CTNNA1: variants seen among roughly 807,000 people sequenced by gnomAD.
CTNNA1 encodes the protein catenin alpha-1.
In CTNNA1, 37 loss-of-function variants were observed where a neutral mutation model predicts 98.4. The observed-to-expected ratio is 0.38, with a 90% CI of 0.29 to 0.49. The LOEUF (loss-of-function observed/expected upper bound fraction) is 0.49, where lower values mean the gene tolerates loss of function less well. Among genes scored for constraint, CTNNA1 ranks in the 20% least tolerant of loss-of-function variants. CTNNA1 has a pLI of 0.95. For synonymous variants in CTNNA1, 404 were observed against 413.2 expected (o/e 0.98, Z 0.27); for missense variants, 761 against 1,147.2 (o/e 0.66, Z 4.86).
At chr5:138,795,211 C>T (rs1374173014) in intron 3 of CTNNA1, among the ~76,000 whole-genome samples, 1 of 150,178 alleles carries the variant, frequency 6.7e-6, no homozygotes, top group Admixed American at 6.6e-5. Context: ...CCTGTAATCC[C>T]AGCACTTTGG....
intron 13 of CTNNA1, among the ~76,000 whole-genome samples, chr5:138,927,254 C>T (rs1024818665): frequency 1.3e-5 from 2 of 152,216 alleles, no homozygotes; most frequent in Non-Finnish European, 2.9e-5. Flanking sequence ...CAGGCCGCCA[C>T]GTCACTCATT....
chr5:138,931,825 T>A, intron 16 of CTNNA1: 2 of 985,486 alleles, frequency 2.0e-6, no homozygotes, highest in Non-Finnish European at 2.4e-6. Flanking sequence ...GGGTCTCAGT[T>A]CATACCACTC....
In CTNNA1 at chr5:138,887,429, G is replaced by A. The variant is rs753105223; in HGVS notation, c.1144-61G>A. 1.6e-5 allele frequency: 21 copies of A among 1,280,580 alleles called. No individual in the cohort carries two copies. The Admixed American group carries it at 3.1e-4, about 19-fold the overall frequency. 79.3% of individuals were successfully genotyped at this position (1,280,580 alleles called of 1,614,324 possible). A position where few individuals can be genotyped will look rare whatever the true frequency, so the allele number is the denominator to read the frequency against. On this transcript the variant is annotated intron_variant, in intron 8 of 17. Coordinates refer to ENST00000302763, the MANE Select transcript of CTNNA1 (RefSeq NM_001903.5). Reference sequence around the variant, plus strand: ...ATTTAAGTGTACAAGAGAATAAAAAGCAATCTATTTAATACCTTTTTGGTA... The same window carrying A: ...ATTTAAGTGTACAAGAGAATAAAAAACAATCTATTTAATACCTTTTTGGTA...
chr5:138,767,508 C>T (rs1177230243), intron 1 of CTNNA1, among the ~76,000 whole-genome samples: 1 of 152,220 alleles, frequency 6.6e-6, no homozygotes, highest in Non-Finnish European at 1.5e-5. Flanking sequence ...GTGAGTCCTT[C>T]CTGACTATTT....
intron 17 of CTNNA1, 47 bp downstream of exon 17, chr5:138,932,759 C>T (rs368376646): frequency 1.2e-5 from 20 of 1,609,300 alleles, no homozygotes; most frequent in Non-Finnish European, 1.6e-5. Flanking sequence ...ACGTGCTGAC[C>T]CTTGTCAGAA....
intron 10 of CTNNA1, among the ~76,000 whole-genome samples, chr5:138,916,459 C>G (rs1217499796): frequency 6.7e-6 from 1 of 150,314 alleles, no homozygotes; most frequent in African/African-American, 2.5e-5. Flanking sequence ...AACTCCTGGG[C>G]TCAAGCAGTC....
At chr5:138,908,343 A>T (rs1007974533) in intron 10 of CTNNA1, among the ~76,000 whole-genome samples, 2 of 152,212 alleles carry the variant, frequency 1.3e-5, no homozygotes, top group African/African-American at 4.8e-5. Flanking sequence ...ACTTTTTAGC[A>T]GTTAAACAAC....
intron 10 of CTNNA1, among the ~76,000 whole-genome samples, chr5:138,905,558 T>G (rs1374607626): frequency 1.3e-5 from 2 of 152,226 alleles, no homozygotes; most frequent in Non-Finnish European, 2.9e-5. Context: ...AGATAGTAAC[T>G]TAATTTGGCC....
intron 6 of CTNNA1, among the ~76,000 whole-genome samples, chr5:138,825,482 G>GTTTTTTGTTTTTTTTTTTTTTT (rs1554085136): frequency 2.7e-5 from 2 of 74,112 alleles, no homozygotes; most frequent in African/African-American, 1.2e-4. Context: ...AGCAGTATAA[G>GTTTTTTGTTTTTTTTTTTTTTT]TTTTTTTTTT....
At chr5:138,845,836 C>T (rs1409153881) in intron 7 of CTNNA1, among the ~76,000 whole-genome samples, 1 of 152,076 alleles carries the variant, frequency 6.6e-6, no homozygotes, top group African/African-American at 2.4e-5. Context: ...ATTGCCATGT[C>T]CTGGGTACTT....
At chr5:138,832,279 A>G (rs2149796093) in intron 7 of CTNNA1, among the ~76,000 whole-genome samples, 1 of 152,332 alleles carries the variant, frequency 6.6e-6, no homozygotes, top group Middle Eastern at 3.4e-3. Context: ...TATTGACATA[A>G]AAGTAATGCA....
intron 7 of CTNNA1, among the ~76,000 whole-genome samples, chr5:138,858,083 C>T (rs895300721): frequency 2.0e-5 from 3 of 152,068 alleles, no homozygotes; most frequent in African/African-American, 7.2e-5. Flanking sequence ...GTACATTCAC[C>T]TCTAAACACT....
chr5:138,861,707 C>T (rs1764300487), intron 7 of CTNNA1, among the ~76,000 whole-genome samples: 1 of 152,166 alleles, frequency 6.6e-6, no homozygotes, highest in East Asian at 1.9e-4. Context: ...TCTTAAATGG[C>T]AGGTATTCTT....
intron 3 of CTNNA1, among the ~76,000 whole-genome samples, chr5:138,784,971 C>T (rs1174662918): frequency 1.3e-5 from 2 of 152,158 alleles, no homozygotes; most frequent in African/African-American, 4.8e-5. Context: ...GACCCTGTTT[C>T]CAAATAAAGT....
intron 7 of CTNNA1, among the ~76,000 whole-genome samples, chr5:138,864,555 C>T (rs959615899): frequency 6.6e-6 from 1 of 152,074 alleles, no homozygotes; most frequent in East Asian, 1.9e-4. Flanking sequence ...TATGATCATC[C>T]TTGCTTTAAA....
intron 1 of CTNNA1, among the ~76,000 whole-genome samples, chr5:138,763,992 C>T (rs1392805106): frequency 6.6e-6 from 1 of 152,110 alleles, no homozygotes. Flanking sequence ...CAAGACTAGC[C>T]TGACTAACAT....
chr5:138,847,078 A>G (rs1195451959), intron 7 of CTNNA1, among the ~76,000 whole-genome samples: 1 of 152,242 alleles, frequency 6.6e-6, no homozygotes, highest in Non-Finnish European at 1.5e-5. Flanking sequence ...ACATGGTAGT[A>G]TCTGAAAGCT....
intron 7 of CTNNA1, chr5:138,870,442 A>AT (rs1167725203): frequency 6.6e-6 from 1 of 152,162 alleles, no homozygotes; most frequent in African/African-American, 2.4e-5. Context: ...AAAAATTTTG[A>AT]TTTTTTTCAA....
At chr5:138,849,428 A>AAAAAAC (rs1370812229) in intron 7 of CTNNA1, among the ~76,000 whole-genome samples, 1 of 152,244 alleles carries the variant, frequency 6.6e-6, no homozygotes, top group Non-Finnish European at 1.5e-5. Flanking sequence ...CTATGTATTT[A>AAAAAAC]AAAAACAAAA....
Sources: allele counts gnomAD v4.1 joint callset (sites outside exome capture counted in the v4.1 genomes callset), GRCh38; gene constraint gnomAD v4.1.1; transcripts MANE v1.5; gene names NCBI Gene and HGNC (gene_info 2026-07-23, HGNC 2026-07-21).